The following NYAP2 variants were observed in gnomAD, a reference collection of about 807,000 sequenced individuals.
NYAP2 encodes the protein neuronal tyrosine-phosphorylated phosphoinositide-3-kinase adaptor 2.
NYAP2 carries 23 observed loss-of-function variants against 50.4 expected under a neutral mutation model. The ratio of observed to expected loss-of-function variants is 0.46; its 90% confidence interval spans 0.33 to 0.65. The LOEUF (loss-of-function observed/expected upper bound fraction) is 0.65. Ranked by LOEUF, NYAP2 falls within the 30% of genes least tolerant of loss-of-function variation. The pLI, the probability that NYAP2 is intolerant of heterozygous loss-of-function variation, is 0.02. For missense variants in NYAP2, 885 were observed against 861.0 expected (o/e 1.03, Z -0.35); for synonymous variants, 394 against 365.2 (o/e 1.08, Z -0.90).
chr2:225,414,086 T>C (rs1695087678), intron 3 of NYAP2, among the ~76,000 whole-genome samples: 2 of 152,192 alleles, frequency 1.3e-5, no homozygotes, highest in Non-Finnish European at 2.9e-5. Flanking sequence ...CCTCATCACT[T>C]TCTCAGTGTT....
At chr2:225,648,564 G>GA (rs894772050) in intron 6 of NYAP2, among the ~76,000 whole-genome samples, 6 of 151,812 alleles carry the variant, frequency 4.0e-5, no homozygotes, top group Non-Finnish European at 8.8e-5. Context: ...TTGCAAGGGG[G>GA]AAAAAAAGCA....
At chr2:225,414,871 T>A (rs2106122966) in intron 3 of NYAP2, among the ~76,000 whole-genome samples, 1 of 152,276 alleles carries the variant, frequency 6.6e-6, no homozygotes, top group Non-Finnish European at 1.5e-5. Context: ...TATAGTATTT[T>A]AAAAACGATA....
chr2:225,473,977 A>G (rs567345179), intron 3 of NYAP2, among the ~76,000 whole-genome samples: 312 of 152,224 alleles, frequency 2.0e-3, no homozygotes, highest in African/African-American at 7.2e-3. Flanking sequence ...ATCTTGAATT[A>G]ATTTTTGTAT....
At chr2:225,462,986 C>T (rs537544387) in intron 3 of NYAP2, among the ~76,000 whole-genome samples, 1 of 152,294 alleles carries the variant, frequency 6.6e-6, no homozygotes, top group African/African-American at 2.4e-5. Context: ...CTTATACAGA[C>T]CAGACATGTA....
At position 225,558,823 on chromosome 2, in the gene NYAP2, G is replaced by A. The variant is rs542766211; in HGVS notation, c.524-23118G>A. Among the ~76,000 whole-genome samples, 3 of 152,140 alleles carry A rather than the reference G, an allele frequency of 2.0e-5. No homozygotes were observed. In the East Asian group the frequency reaches 5.8e-4, roughly 29 times the overall value. On this transcript the variant is annotated intron_variant, in intron 4 of 6. Transcript: ENST00000636099. ...ACCAGACAGAGCCATTCTGTAATGG[G>A]ATTAACCTGATTTCTGGGAAAGGGC...
At chr2:225,638,841 G>A (rs1014615567) in intron 6 of NYAP2, among the ~76,000 whole-genome samples, 7 of 152,204 alleles carry the variant, frequency 4.6e-5, no homozygotes, top group African/African-American at 1.4e-4. Context: ...GCATTGTGGG[G>A]ACCAAGTTGG....
chr2:225,459,426 T>G (rs1689788988), intron 3 of NYAP2, among the ~76,000 whole-genome samples: 1 of 152,210 alleles, frequency 6.6e-6, no homozygotes, highest in South Asian at 2.1e-4. Flanking sequence ...TCCAAAAATC[T>G]GTTAAGAAAT....
intron 4 of NYAP2, among the ~76,000 whole-genome samples, chr2:225,563,254 T>G (rs984049194): frequency 6.6e-6 from 1 of 152,070 alleles, no homozygotes; most frequent in Non-Finnish European, 1.5e-5. Context: ...AAGAAGATTA[T>G]TCTTAGATTG....
rs114182609 is a variant in NYAP2, at chr2:225,605,665, A to T, written c.1619-21252A>T. 6.9e-3 allele frequency among the ~76,000 whole-genome samples: 1,056 copies of T among 152,186 alleles called. 16 individuals carry two copies. Among genetic ancestry groups the T allele is most frequent in the African/African-American group, 0.024 (1,007 of 41,556 alleles). ...GTTGGGGAATAATCATAATGTAAAT[A>T]AATAAATAAATAAATAAATGATGGC... is the stretch of plus-strand genomic sequence containing the variant. On this transcript the variant is annotated intron_variant, in intron 5 of 6. Transcript: ENST00000636099.
the NYAP2 span, among the ~76,000 whole-genome samples, chr2:225,671,460 A>C: frequency 6.6e-6 from 1 of 152,066 alleles, no homozygotes; most frequent in African/African-American, 2.4e-5. Flanking sequence ...TACTTCTTCA[A>C]GCTCCCTTTC....
chr2:225,686,744 T>C, the NYAP2 span, among the ~76,000 whole-genome samples: 7 of 152,106 alleles, frequency 4.6e-5, no homozygotes, highest in Non-Finnish European at 8.8e-5. Context: ...TGAGATAAGA[T>C]GGAGCAGACA....
chr2:225,468,629 T>A (rs1013143136), intron 3 of NYAP2, among the ~76,000 whole-genome samples: 13 of 152,070 alleles, frequency 8.5e-5, no homozygotes, highest in Non-Finnish European at 1.9e-4. Context: ...TAGAAAATCA[T>A]TGAGAAAAAG....
chr2:225,420,532 T>C (rs1034426440), intron 3 of NYAP2, among the ~76,000 whole-genome samples: 8 of 152,058 alleles, frequency 5.3e-5, no homozygotes, highest in South Asian at 2.1e-4. Flanking sequence ...AGGATGTGAG[T>C]GGAAGCTGGC....
intron 3 of NYAP2, among the ~76,000 whole-genome samples, chr2:225,424,280 A>G (rs963808400): frequency 3.3e-5 from 5 of 152,118 alleles, no homozygotes; most frequent in Non-Finnish European, 7.4e-5. Context: ...AAGTAAGTCA[A>G]ATTAATCAAT....
chr2:225,447,917 A>G (rs1324953705), intron 3 of NYAP2, among the ~76,000 whole-genome samples: 3 of 152,158 alleles, frequency 2.0e-5, no homozygotes, highest in African/African-American at 7.2e-5. Context: ...ATTTCTGTGA[A>G]TTTTCTTGAT....
intron 3 of NYAP2, among the ~76,000 whole-genome samples, chr2:225,439,049 G>C (rs1037378324): frequency 1.3e-5 from 2 of 152,194 alleles, no homozygotes; most frequent in African/African-American, 4.8e-5. Context: ...ATAAGTTGGT[G>C]TAAATATTGC....
chr2:225,684,630 C>A, the NYAP2 span, among the ~76,000 whole-genome samples: 9 of 151,978 alleles, frequency 5.9e-5, no homozygotes, highest in Non-Finnish European at 1.0e-4. Flanking sequence ...CAGCTCATTG[C>A]AACCTCCGTC....
chr2:225,644,145 GTGAGATGGTA>G (rs1693585621), intron 6 of NYAP2, among the ~76,000 whole-genome samples: 1 of 152,066 alleles, frequency 6.6e-6, no homozygotes, highest in South Asian at 2.1e-4. Flanking sequence ...TCTAACTGGT[GTGAGATGGTA>G]TCTCATTGTT....
chr2:225,528,010 G>T (rs58860142), intron 4 of NYAP2, among the ~76,000 whole-genome samples: 1 of 151,976 alleles, frequency 6.6e-6, no homozygotes, highest in South Asian at 2.1e-4. Flanking sequence ...CTGGAAAATC[G>T]CTTCACCTTC....
Sources: allele counts gnomAD v4.1 joint callset (sites outside exome capture counted in the v4.1 genomes callset), GRCh38; gene constraint gnomAD v4.1.1; transcripts MANE v1.5; gene names NCBI Gene and HGNC (gene_info 2026-07-23, HGNC 2026-07-21).